The following DPF3 variants were observed in gnomAD, a reference collection of about 807,000 sequenced individuals.
DPF3 encodes the protein zinc finger protein DPF3.
Under a neutral mutation model 56.8 loss-of-function variants are expected in DPF3, and 18 were observed. That is an observed-to-expected ratio of 0.32 (90% CI 0.22 to 0.47). DPF3 has a LOEUF of 0.47. Among genes scored for constraint, DPF3 ranks in the 20% least tolerant of loss-of-function variants. DPF3 has a pLI of 1.00. For synonymous variants in DPF3, 188 were observed against 180.2 expected (o/e 1.04, Z -0.35); for missense variants, 403 against 488.8 (o/e 0.82, Z 1.65).
At chr14:72,856,279 A>G (rs1459002172) in intron 1 of DPF3, among the ~76,000 whole-genome samples, 1 of 152,224 alleles carries the variant, frequency 6.6e-6, no homozygotes, top group Non-Finnish European at 1.5e-5. Flanking sequence ...CCAGCCCCAC[A>G]AAATCCTTTT....
intron 1 of DPF3, among the ~76,000 whole-genome samples, chr14:72,888,246 C>G (rs1037891353): frequency 6.6e-6 from 1 of 152,160 alleles, no homozygotes; most frequent in Non-Finnish European, 1.5e-5. Flanking sequence ...GCCTGCCACA[C>G]TAATATTCAC....
intron 1 of DPF3, among the ~76,000 whole-genome samples, chr14:72,878,048 C>A (rs1337205193): frequency 6.6e-6 from 1 of 152,160 alleles, no homozygotes; most frequent in African/African-American, 2.4e-5. Context: ...TACAATTCGG[C>A]TCCTGCAGCC....
chr14:72,705,280 C>T (rs542684869), intron 6 of DPF3, among the ~76,000 whole-genome samples: 1 of 152,106 alleles, frequency 6.6e-6, no homozygotes, highest in East Asian at 1.9e-4. Context: ...CTAGGTTGCA[C>T]ACTCCTTATG....
intron 8 of DPF3, among the ~76,000 whole-genome samples, chr14:72,653,570 CCT>C (rs1364116363): frequency 6.6e-6 from 1 of 152,246 alleles, no homozygotes; most frequent in Non-Finnish European, 1.5e-5. Context: ...AGCCTGGTTT[CCT>C]CTCTTTTCCT....
At chr14:72,732,015 G>A (rs552407649) in intron 3 of DPF3, 81 bp from the exon 4 acceptor site, 2 of 1,511,874 alleles carry the variant, frequency 1.3e-6, no homozygotes, top group East Asian at 2.5e-5. Flanking sequence ...GACACGCAGG[G>A]CCCAGGGCTC....
At chr14:72,871,596 G>T (rs1356403840) in intron 1 of DPF3, among the ~76,000 whole-genome samples, 3 of 152,206 alleles carry the variant, frequency 2.0e-5, no homozygotes, top group Admixed American at 2.0e-4. Context: ...CAAGAGCTGG[G>T]TCCCCATGGT....
chr14:72,625,270 C>T (rs1185078788), intron 9 of DPF3, among the ~76,000 whole-genome samples: 1 of 152,032 alleles, frequency 6.6e-6, no homozygotes, highest in African/African-American at 2.4e-5. Context: ...CCTCTGTTTA[C>T]TTATTTATTC....
chr14:72,617,182 A>G lies in DPF3; in HGVS notation c.*2115T>C, dbSNP rs566370545. Among the ~76,000 whole-genome samples the G allele has an allele frequency of 6.6e-6, 1 of 152,312 alleles. No individual in the cohort carries two copies. The highest frequency in any genetic ancestry group is 2.1e-4 in the South Asian group (1 of 4,820). Reference sequence around the variant, plus strand: ...ACTTCTGTGGAAAACAAATTTGCACATACTCTGAAGAGGACGTGTGAAGTT... The same window carrying G: ...ACTTCTGTGGAAAACAAATTTGCACGTACTCTGAAGAGGACGTGTGAAGTT... On this transcript the variant is annotated 3_prime_UTR_variant, in exon 11 of 11. Coordinates refer to ENST00000556509, the MANE Select transcript of DPF3 (RefSeq NM_001280542.3).
At chr14:72,877,949 C>T (rs1886180053) in intron 1 of DPF3, among the ~76,000 whole-genome samples, 1 of 152,212 alleles carries the variant, frequency 6.6e-6, no homozygotes, top group East Asian at 1.9e-4. Context: ...CTGTGTCACC[C>T]TCTGTCCTGA....
chr14:72,884,971 T>TA (rs10523148), intron 1 of DPF3, among the ~76,000 whole-genome samples: 11 of 111,664 alleles, frequency 9.9e-5, no homozygotes, highest in East Asian at 3.0e-4. Context: ...TATATATATA[T>TA]TAGCCGGGCG....
intron 1 of DPF3, among the ~76,000 whole-genome samples, chr14:72,858,384 C>T (rs549729319): frequency 7.1e-6 from 1 of 140,996 alleles, no homozygotes; most frequent in East Asian, 2.0e-4. Context: ...TGGCTAAATC[C>T]CACAGGCTAC....
intron 8 of DPF3, among the ~76,000 whole-genome samples, chr14:72,638,449 C>A (rs1355544931): frequency 6.6e-6 from 1 of 152,166 alleles, no homozygotes; most frequent in Admixed American, 6.5e-5. Flanking sequence ...AGATTGGAAA[C>A]CCTGTAATCC....
intron 7 of DPF3, among the ~76,000 whole-genome samples, chr14:72,684,125 C>T (rs1221989419): frequency 1.3e-5 from 2 of 152,174 alleles, no homozygotes; most frequent in Non-Finnish European, 2.9e-5. Context: ...TGGCTTACTG[C>T]AACCTCAACC....
intron 3 of DPF3, among the ~76,000 whole-genome samples, chr14:72,733,133 A>G (rs369377150): frequency 2.0e-5 from 3 of 151,998 alleles, no homozygotes; most frequent in African/African-American, 2.4e-5. Flanking sequence ...AAGGTACAGG[A>G]GATCATTCTG....
chr14:72,838,622 C>T (rs942621364), intron 1 of DPF3, among the ~76,000 whole-genome samples: 2 of 151,386 alleles, frequency 1.3e-5, no homozygotes, highest in African/African-American at 2.4e-5. Flanking sequence ...TTTGGGAGGC[C>T]GAGGTGGCGG....
chr14:72,681,024 T>C (rs1172630270), intron 7 of DPF3, among the ~76,000 whole-genome samples: 1 of 152,214 alleles, frequency 6.6e-6, no homozygotes, highest in African/African-American at 2.4e-5. Flanking sequence ...CTGTTACCCA[T>C]GTGCTACCTG....
chr14:72,817,912 A>G (rs984910784), intron 1 of DPF3, among the ~76,000 whole-genome samples: 6 of 152,170 alleles, frequency 3.9e-5, no homozygotes, highest in African/African-American at 1.2e-4. Flanking sequence ...TACACAAAAA[A>G]TAACAAAATG....
chr14:72,698,272 G>T (rs1237889094), intron 6 of DPF3, among the ~76,000 whole-genome samples: 1 of 152,200 alleles, frequency 6.6e-6, no homozygotes, highest in East Asian at 1.9e-4. Context: ...CTATACAGCT[G>T]TTCTGTTTTT....
intron 1 of DPF3, among the ~76,000 whole-genome samples, chr14:72,796,528 G>A (rs948641113): frequency 2.0e-5 from 3 of 152,082 alleles, no homozygotes; most frequent in Non-Finnish European, 2.9e-5. Flanking sequence ...TAAATAAATG[G>A]AGACAGGAAA....
Sources: allele counts gnomAD v4.1 joint callset (sites outside exome capture counted in the v4.1 genomes callset), GRCh38; gene constraint gnomAD v4.1.1; transcripts MANE v1.5; gene names NCBI Gene and HGNC (gene_info 2026-07-23, HGNC 2026-07-21).